The following TACC2 variants were observed in gnomAD, a reference collection of about 807,000 sequenced individuals.
TACC2 encodes the protein transforming acidic coiled-coil containing protein 2.
Under a neutral mutation model 227.3 loss-of-function variants are expected in TACC2, and 137 were observed. The observed-to-expected ratio is 0.60, with a 90% confidence interval of 0.52 to 0.69. TACC2 has a LOEUF of 0.69. Among genes scored for constraint, TACC2 ranks in the 30% least tolerant of loss-of-function variants. The pLI, the probability that TACC2 is intolerant of heterozygous loss-of-function variation, is 0.00. For missense variants in TACC2, 3,470 were observed against 3,694.4 expected (o/e 0.94, Z 1.57); for synonymous variants, 1,523 against 1,487.5 (o/e 1.02, Z -0.55).
intron 3 of TACC2, among the ~76,000 whole-genome samples, chr10:122,081,999 C>T (rs536384742): frequency 6.6e-5 from 10 of 152,164 alleles, no homozygotes; most frequent in Non-Finnish European, 1.3e-4. Context: ...TTCAAATCCC[C>T]TGTTATGATT....
At chr10:122,017,634 T>A (rs1956824730) in intron 1 of TACC2, among the ~76,000 whole-genome samples, 1 of 151,768 alleles carries the variant, frequency 6.6e-6, no homozygotes, top group Non-Finnish European at 1.5e-5. Context: ...CTGGCCAACA[T>A]GGCAAAACCC....
At chr10:122,243,614 G>C (rs1287377078) in intron 19 of TACC2, among the ~76,000 whole-genome samples, 2 of 151,206 alleles carry the variant, frequency 1.3e-5, no homozygotes, top group Non-Finnish European at 1.5e-5. Context: ...ATATGGATAA[G>C]ATAAAAAAAA....
intron 5 of TACC2, among the ~76,000 whole-genome samples, chr10:122,090,478 T>C (rs1485895309): frequency 3.0e-5 from 4 of 132,354 alleles, no homozygotes; most frequent in Non-Finnish European, 6.2e-5. Flanking sequence ...ACCCGGGAGG[T>C]GGAGCTTGCA....
chr10:122,148,267 C>G (rs901622001), intron 7 of TACC2, among the ~76,000 whole-genome samples: 1 of 152,100 alleles, frequency 6.6e-6, no homozygotes, highest in African/African-American at 2.4e-5. Context: ...CCATGCCTGG[C>G]TAATTTTTGT....
rs772383562 is a variant in TACC2 at position 122,210,999 on chromosome 10, C to T, written c.6574C>T (p.Pro2192Ser). 8 of 1,612,736 alleles carry T rather than the reference C, an allele frequency of 5.0e-6. No individual in the cohort carries two copies. The South Asian group carries it at 7.7e-5, about 16-fold the overall frequency. ...TAGCCCAGCCTTATTGGAGGAGACGCCCCTTGAGCCCGCTGTGGGGCCCAA... is the reference window on the plus strand; with the variant it reads ...TAGCCCAGCCTTATTGGAGGAGACGTCCCTTGAGCCCGCTGTGGGGCCCAA... Reference protein sequence around the residue: ...GPSPALLEETPLEPAVGPKAA... With the variant: ...GPSPALLEETSLEPAVGPKAA... Residue 2192 changes from proline (P) to serine (S), a missense_variant, in exon 9 of 23, where the codon CCC becomes TCC. By Grantham distance (74) the Pro-to-Ser change is moderately conservative. Transcript: ENST00000369005. This position sits in a 1 kb window ranked among gnomAD's most constrained non-coding sequence, Gnocchi z 4.6.
chr10:122,228,504 G>A (rs147967057), intron 14 of TACC2, among the ~76,000 whole-genome samples: 1 of 152,250 alleles, frequency 6.6e-6, no homozygotes, highest in African/African-American at 2.4e-5. Flanking sequence ...CCCAGTCCCT[G>A]CACAGCACAC....
chr10:122,081,362 A>AC (rs1482358599), intron 3 of TACC2, among the ~76,000 whole-genome samples: 6 of 23,722 alleles, frequency 2.5e-4, no homozygotes, highest in Non-Finnish European at 5.5e-4. Flanking sequence ...TACTAAAACT[A>AC]CAAAAAAAAA....
Position 122,248,679 on chromosome 10 carries a change from C to T in TACC2, c.8429C>T (p.Thr2810Met), listed in dbSNP as rs576383974. The T allele has an allele frequency of 3.3e-5, 54 of 1,613,822 alleles. No homozygotes were observed. The highest frequency in any genetic ancestry group is 1.8e-4 in the South Asian group (16 of 91,040). Reference sequence around the variant, plus strand: ...AGAGAGAAGTCAGTCTCCCACCAGACGGTGCAGCAGCTGGTTCTGGAGAAG... The same window carrying T: ...AGAGAGAAGTCAGTCTCCCACCAGATGGTGCAGCAGCTGGTTCTGGAGAAG... ...EQREKSVSHQ[T>M]VQQLVLEKEQ... Residue 2810 changes from threonine to methionine, a missense_variant, in exon 20 of 23, where the codon ACG becomes ATG. Physicochemically the swap from Thr to Met is moderately conservative, Grantham distance 81. Transcript: ENST00000369005.
intron 7 of TACC2, among the ~76,000 whole-genome samples, chr10:122,158,714 C>T (rs184472920): frequency 2.3e-4 from 35 of 152,278 alleles, no homozygotes; most frequent in African/African-American, 8.2e-4. Flanking sequence ...GGGGCTTCAC[C>T]GAAGCTTGTA....
Position 122,085,666 on chromosome 10 carries a change from G to A in TACC2, c.3166G>A (p.Ala1056Thr). ...CQPDSVALLD[A>T]VPCLPALAPA... ...GCCTGACTCAGTAGCTCTCCTGGATGCAGTTCCCTGCCTGCCAGCCCTGGC... is the reference window on the plus strand; with the variant it reads ...GCCTGACTCAGTAGCTCTCCTGGATACAGTTCCCTGCCTGCCAGCCCTGGC... The change falls in exon 4 of 23, where the codon GCA (alanine) becomes ACA (threonine). Residue 1056 changes from alanine to threonine, a missense_variant. Physicochemically the swap from Ala to Thr is moderately conservative, Grantham distance 58. This residue lies in a region of TACC2 where 1,924 missense variants were observed against 1,978.3 expected (regional missense o/e 0.97). Coordinates refer to ENST00000369005, the MANE Select transcript of TACC2 (RefSeq NM_206862.4). 1 of 1,613,614 alleles carries A rather than the reference G, an allele frequency of 6.2e-7. No individual in the cohort carries two copies. Among genetic ancestry groups the A allele is most frequent in the East Asian group, 2.2e-5 (1 of 44,868 alleles).
At chr10:122,123,605 GC>G (rs2086257711) in intron 5 of TACC2, among the ~76,000 whole-genome samples, 1 of 152,090 alleles carries the variant, frequency 6.6e-6, no homozygotes, top group Non-Finnish European at 1.5e-5. Context: ...GTTCGGTCAT[GC>G]CCAGCCTAGA....
rs1411146175 is a variant in TACC2, at chr10:122,083,986, G to A, written c.1486G>A (p.Glu496Lys). ...PGEVPAPSPQ[E>K]RGEHLNTEQS... ...AGAGGTTCCTGCCCCATCACCCCAG[G>A]AGAGGGGAGAGCACTTGAACACGGA... The change falls in exon 4 of 23, where the codon GAG (glutamate) becomes AAG (lysine). Residue 496 changes from glutamate to lysine, a missense_variant. Physicochemically the swap from Glu to Lys is moderately conservative, Grantham distance 56. This residue lies in a region of TACC2 where 1,924 missense variants were observed against 1,978.3 expected (regional missense o/e 0.97). Coordinates refer to ENST00000369005, the MANE Select transcript of TACC2 (RefSeq NM_206862.4). The A allele has an allele frequency of 1.2e-6, 2 of 1,614,078 alleles. No individual in the cohort carries two copies. Among genetic ancestry groups the A allele is most frequent in the Non-Finnish European group, 8.5e-7 (1 of 1,179,992 alleles).
At chr10:122,097,560 C>T (rs527269352) in intron 5 of TACC2, among the ~76,000 whole-genome samples, 17 of 151,692 alleles carry the variant, frequency 1.1e-4, no homozygotes, top group African/African-American at 1.7e-4. Context: ...CCCCAGGGGA[C>T]GGGGAGGGCC....
At chr10:122,023,473 G>C (rs201548967) in intron 2 of TACC2, 2 of 151,906 alleles carry the variant, frequency 1.3e-5, no homozygotes, top group South Asian at 2.1e-4. Context: ...CCATAAAAAA[G>C]GATGAGTTCA....
At chr10:122,020,820 G>A (rs1303951897) in intron 1 of TACC2, among the ~76,000 whole-genome samples, 2 of 152,188 alleles carry the variant, frequency 1.3e-5, no homozygotes, top group Non-Finnish European at 2.9e-5. Flanking sequence ...ACTAGAAAAA[G>A]TGAAGGTAAC....
rs896586394 is a variant in TACC2 at position 122,194,405 on chromosome 10, G to C, written c.5835-635G>C. Among the ~76,000 whole-genome samples, 9 of 152,202 alleles carry C rather than the reference G, an allele frequency of 5.9e-5. No individual in the cohort carries two copies. Among genetic ancestry groups the C allele is most frequent in the African/African-American group, 2.2e-4 (9 of 41,448 alleles). On this transcript the variant is annotated intron_variant, in intron 7 of 22. Transcript: ENST00000369005. The surrounding 1 kb of genome is among the most constrained non-coding windows in gnomAD (Gnocchi z 4.4). ...GTGTCGGGGTTGGTGGCCGTGCTTTGTGTCTTGGTCTGATGCACCCTCTGC... is the reference window on the plus strand; with the variant it reads ...GTGTCGGGGTTGGTGGCCGTGCTTTCTGTCTTGGTCTGATGCACCCTCTGC...
chr10:122,007,731 C>T (rs80022944), intron 1 of TACC2, among the ~76,000 whole-genome samples: 3,519 of 151,970 alleles, frequency 0.023, 150 homozygotes, highest in African/African-American at 0.08. Flanking sequence ...TCTTTCTTTT[C>T]CCCATTTAAC....
chr10:122,217,466 G>T, intron 11 of TACC2, among the ~76,000 whole-genome samples: 3 of 140,448 alleles, frequency 2.1e-5, no homozygotes, highest in African/African-American at 5.3e-5. Context: ...TTTGAGATGG[G>T]GTTTCACTCT....
chr10:122,217,182 C>T (rs2095422683), intron 11 of TACC2, among the ~76,000 whole-genome samples: 1 of 152,074 alleles, frequency 6.6e-6, no homozygotes, highest in Non-Finnish European at 1.5e-5. Context: ...TCATTCAAGT[C>T]AAACTCTCAG....
Sources: gnomAD v4.1 joint callset for allele counts (sites outside exome capture counted in the v4.1 genomes callset) on GRCh38, gnomAD v4.1.1 for gene constraint, gnomAD v4.1.1 regional missense constraint, Gnocchi (gnomAD v3.1) non-coding constraint, MANE v1.5 for transcripts, NCBI Gene and HGNC (gene_info 2026-07-23, HGNC 2026-07-21) for gene names.